ZNF251: variants seen among roughly 807,000 people sequenced by gnomAD.
ZNF251 encodes zinc finger protein 251.
ZNF251 carries 14 observed loss-of-function variants against 13.5 expected under a neutral mutation model. The observed-to-expected ratio is 1.04, with a 90% CI of 0.69 to 1.63. The LOEUF is 1.63. Ranked by LOEUF, ZNF251 falls within the 40% of genes most tolerant of loss-of-function variation. The pLI is 0.00. For missense variants in ZNF251, 764 were observed against 834.9 expected, an observed-to-expected ratio of 0.92 and a Z score of 1.05; for synonymous variants, 287 against 295.2, an observed-to-expected ratio of 0.97 and a Z score of 0.28.
Position 144,721,713 on chromosome 8 carries a change from A to G in ZNF251, c.1947T>C (p.Pro649=). The change falls in exon 5 of 5, where the codon CCT becomes CCC. Residue 649 remains proline (P), a synonymous_variant. Coordinates refer to ENST00000292562, the MANE Select transcript of ZNF251 (RefSeq NM_138367.2). ...ATCTTTTAGAGCCATCATTTAAAGC[A>G]GGTTTCTCTCCAACACGAGTCTGCT... The part of the protein sequence containing the change: ...PPQQTRVGEK[P]ALNDGSKRYF... 1.3e-5 allele frequency: 18 copies of G among 1,374,084 alleles called. No individual in the cohort carries two copies. The highest frequency in any genetic ancestry group is 1.7e-5 in the Non-Finnish European group (18 of 1,055,420). 85.1% of individuals were successfully genotyped at this position (1,374,084 alleles called of 1,614,324 possible).
chr8:144,734,226 C>T lies in ZNF251; in HGVS notation c.278-10844G>A, dbSNP rs376164059. On this transcript the variant is annotated intron_variant, in intron 4 of 4. Transcript: ENST00000292562. The surrounding 1 kb of genome is among the most constrained non-coding windows in gnomAD (Gnocchi z 4.4). ...CTGGCTGTAAGGACACCTCCCGTGG[C>T]GTTCACAGGTATCCAGGTCTACTGC... Among the ~76,000 whole-genome samples the T allele has an allele frequency of 1.3e-5, 2 of 152,220 alleles. No homozygotes were observed. Among genetic ancestry groups the T allele is most frequent in the Admixed American group, 6.5e-5 (1 of 15,286 alleles).
chr8:144,754,858 G>A (rs1824883690), intron 1 of ZNF251, 55 bp from the exon 2 acceptor site: 2 of 1,480,372 alleles, frequency 1.4e-6, no homozygotes, highest in East Asian at 5.0e-5. Flanking sequence ...GTGGAAGGAT[G>A]GCCAGGAGGC....
At chr8:144,733,832 GAAAAAAGA>G (rs948103602) in intron 4 of ZNF251, among the ~76,000 whole-genome samples, 3 of 151,788 alleles carry the variant, frequency 2.0e-5, no homozygotes, top group Admixed American at 6.6e-5. Context: ...GAAACAAAAG[GAAAAAAGA>G]AAAAAAGAAA....
chr8:144,755,148 CG>C, intron 1 of ZNF251: 1 of 1,193,510 alleles, frequency 8.4e-7, no homozygotes, highest in East Asian at 6.3e-5. Context: ...AGGCTGAGGA[CG>C]TGAGAAGGAG....
intron 4 of ZNF251, among the ~76,000 whole-genome samples, chr8:144,728,906 T>G (rs1302390810): frequency 1.3e-5 from 2 of 151,464 alleles, no homozygotes; most frequent in Non-Finnish European, 2.9e-5. Flanking sequence ...CTGGCCAACA[T>G]GGTGAAACCC....
chr8:144,747,917 T>G (rs1301057281), intron 4 of ZNF251, among the ~76,000 whole-genome samples: 1 of 151,518 alleles, frequency 6.6e-6, no homozygotes, highest in African/African-American at 2.4e-5. Flanking sequence ...CAGCTGGTTT[T>G]GTGGTTTTTA....
At chr8:144,753,964 TG>T (rs1360220742) in intron 3 of ZNF251, among the ~76,000 whole-genome samples, 168 bp from the exon 4 acceptor site, 2 of 152,134 alleles carry the variant, frequency 1.3e-5, no homozygotes, top group African/African-American at 4.8e-5. Context: ...TCAGCTCTCC[TG>T]CCACTGGAGG....
chr8:144,755,095 G>C, intron 1 of ZNF251: 1 of 1,256,394 alleles, frequency 8.0e-7, no homozygotes, highest in Non-Finnish European at 1.0e-6. Flanking sequence ...TACCTGCCTG[G>C]CCAACCTGGG....
Position 144,723,053 on chromosome 8 carries a change from T to C in ZNF251, c.607A>G (p.Lys203Glu). ...DQNVVRLQRN[K>E]TGERVFKCDI... The stretch of plus-strand genomic sequence containing the variant: ...CATTTAAAGACCCTCTCTCCTGTTT[T>C]ATTTCTTTGAAGTCTAACAACATTT... Residue 203 changes from lysine (K) to glutamate (E), a missense_variant, in exon 5 of 5, where the codon AAA becomes GAA. Physicochemically the swap from Lys to Glu is moderately conservative, Grantham distance 56 (BLOSUM62 1). Transcript: ENST00000292562. 1 of 1,614,080 alleles carries C rather than the reference T, an allele frequency of 6.2e-7. No homozygotes were observed. The highest frequency in any genetic ancestry group is 8.5e-7 in the Non-Finnish European group (1 of 1,179,908).
intron 4 of ZNF251, among the ~76,000 whole-genome samples, chr8:144,735,461 G>A (rs1823854968): frequency 6.6e-6 from 1 of 151,750 alleles, no homozygotes; most frequent in Non-Finnish European, 1.5e-5. Context: ...CTCAGGGCAT[G>A]TAGTACCAGG....
intron 4 of ZNF251, among the ~76,000 whole-genome samples, chr8:144,732,099 C>T (rs549520014): frequency 3.9e-5 from 6 of 152,126 alleles, no homozygotes; most frequent in South Asian, 2.1e-4. Flanking sequence ...TGTGCCACCA[C>T]GCCTGGCTAA....
chr8:144,748,688 G>A (rs1274530039), intron 4 of ZNF251, among the ~76,000 whole-genome samples: 1 of 152,076 alleles, frequency 6.6e-6, no homozygotes, highest in Non-Finnish European at 1.5e-5. Flanking sequence ...AGCCTCTTGA[G>A]TAGCTGAGAC....
Position 144,736,863 on chromosome 8 carries a change from C to T in ZNF251, c.278-13481G>A, listed in dbSNP as rs774624533. On this transcript the variant is annotated intron_variant, in intron 4 of 4. Coordinates refer to ENST00000292562, the MANE Select transcript of ZNF251 (RefSeq NM_138367.2). ...TGTTGCCCAGTTTGAAGTGCAATGG[C>T]GTGGTCTCGGCTCACTGCAACCTCC... Among the ~76,000 whole-genome samples the T allele has an allele frequency of 9.1e-4, 138 of 151,576 alleles. 4 individuals carry two copies. Among genetic ancestry groups the T allele is most frequent in the Non-Finnish European group, 4.3e-4 (29 of 67,980 alleles).
intron 4 of ZNF251, among the ~76,000 whole-genome samples, chr8:144,741,140 T>C (rs1268798079): frequency 1.3e-5 from 2 of 151,922 alleles, no homozygotes; most frequent in African/African-American, 4.8e-5. Flanking sequence ...GGGCCCGAGG[T>C]GGATCTCAAA....
At chr8:144,725,256 C>A (rs1257240859) in intron 4 of ZNF251, among the ~76,000 whole-genome samples, 2 of 152,244 alleles carry the variant, frequency 1.3e-5, no homozygotes, top group Non-Finnish European at 2.9e-5. Context: ...CTCAGGCAAT[C>A]CGTCCGCCTC....
intron 4 of ZNF251, among the ~76,000 whole-genome samples, chr8:144,747,645 TC>T (rs1824491442): frequency 7.0e-6 from 1 of 142,228 alleles, no homozygotes. Flanking sequence ...GGAGTCTCGC[TC>T]TGTTGCCCAG....
chr8:144,754,972 G>GGCCAGA, intron 1 of ZNF251, 169 bp from the exon 2 acceptor site: 3 of 1,399,696 alleles, frequency 2.1e-6, no homozygotes, highest in African/African-American at 1.5e-5. Flanking sequence ...ATCCCAGAAC[G>GGCCAGA]GCCAGAGCCA....
At chr8:144,749,665 CT>C (rs1824597207) in intron 4 of ZNF251, among the ~76,000 whole-genome samples, 1 of 151,726 alleles carries the variant, frequency 6.6e-6, no homozygotes, top group African/African-American at 2.4e-5. Context: ...ATTTTGTATC[CT>C]TTTTTAGCAT....
At chr8:144,727,385 C>T (rs1299421306) in intron 4 of ZNF251, among the ~76,000 whole-genome samples, 1 of 152,212 alleles carries the variant, frequency 6.6e-6, no homozygotes, top group Non-Finnish European at 1.5e-5. Context: ...CATCTTCTTG[C>T]AATAGAAGGC....
Sources: allele counts gnomAD v4.1 joint callset (sites outside exome capture counted in the v4.1 genomes callset), GRCh38; gene constraint gnomAD v4.1.1; non-coding constraint Gnocchi (gnomAD v3.1); transcripts MANE v1.5; gene names NCBI Gene and HGNC (gene_info 2026-07-23, HGNC 2026-07-21).